Variants in CTNNA2 observed in about 807,000 individuals in gnomAD.
CTNNA2 encodes catenin alpha 2.
In CTNNA2, 42 loss-of-function variants were observed where a neutral mutation model predicts 101.0. The ratio of observed to expected loss-of-function variants is 0.42; its 90% CI spans 0.32 to 0.54. The LOEUF (loss-of-function observed/expected upper bound fraction) is 0.54. Among genes scored for constraint, CTNNA2 ranks in the 20% least tolerant of loss-of-function variants. The pLI is 0.14. For missense variants in CTNNA2, 871 were observed against 1,223.1 expected (o/e 0.71, Z 4.29); for synonymous variants, 450 against 456.4 (o/e 0.99, Z 0.18).
intron 7 of CTNNA2, among the ~76,000 whole-genome samples, chr2:80,316,532 A>G (rs1678140591): frequency 6.6e-6 from 1 of 152,186 alleles, no homozygotes; most frequent in Non-Finnish European, 1.5e-5. Flanking sequence ...TAATAAGACC[A>G]ACACAATTTA....
chr2:79,690,683 A>G (rs533239707), intron 2 of CTNNA2, among the ~76,000 whole-genome samples: 2 of 152,092 alleles, frequency 1.3e-5, no homozygotes, highest in South Asian at 4.1e-4. Context: ...GCCCAGAGAG[A>G]GTAAAGGATT....
At chr2:80,280,399 A>G (rs936372968) in intron 7 of CTNNA2, among the ~76,000 whole-genome samples, 6 of 151,586 alleles carry the variant, frequency 4.0e-5, no homozygotes, top group Non-Finnish European at 7.4e-5. Context: ...GGAGCCTTAG[A>G]TAGGTAATAC....
At chr2:80,571,823 G>T (rs996334407) in intron 12 of CTNNA2, among the ~76,000 whole-genome samples, 1 of 152,082 alleles carries the variant, frequency 6.6e-6, no homozygotes, top group Non-Finnish European at 1.5e-5. Context: ...TAGGGCTGGG[G>T]TAGAGCCTGT....
intron 7 of CTNNA2, among the ~76,000 whole-genome samples, chr2:80,282,980 G>C (rs1365561373): frequency 6.6e-6 from 1 of 152,006 alleles, no homozygotes; most frequent in Admixed American, 6.6e-5. Flanking sequence ...ATAAGCAAAG[G>C]AATGACAAGT....
chr2:80,608,385 G>T, intron 17 of CTNNA2, 67 bp downstream of exon 17: 1 of 1,548,848 alleles, frequency 6.5e-7, no homozygotes, highest in Non-Finnish European at 8.8e-7. Flanking sequence ...AACATTCTTG[G>T]CAACAGTACT....
intron 4 of CTNNA2, among the ~76,000 whole-genome samples, chr2:79,475,055 G>T (rs1488400983): frequency 6.6e-6 from 1 of 152,044 alleles, no homozygotes; most frequent in Middle Eastern, 3.2e-3. Context: ...ATACTACATA[G>T]AACAAAAGTT....
At chr2:79,965,243 T>G (rs1333266861) in intron 7 of CTNNA2, among the ~76,000 whole-genome samples, 6 of 152,168 alleles carry the variant, frequency 3.9e-5, no homozygotes, top group African/African-American at 1.4e-4. Context: ...AAATGCAACC[T>G]TTTTCTGCCA....
chr2:79,623,769 T>C (rs918667030), intron 1 of CTNNA2, among the ~76,000 whole-genome samples: 38 of 152,160 alleles, frequency 2.5e-4, no homozygotes, highest in African/African-American at 8.2e-4. Flanking sequence ...TTTTTCATGA[T>C]TGTAAATGGA....
At chr2:80,142,626 T>G (rs1703083881) in intron 7 of CTNNA2, among the ~76,000 whole-genome samples, 1 of 152,218 alleles carries the variant, frequency 6.6e-6, no homozygotes, top group South Asian at 2.1e-4. Context: ...AGTTCCACAA[T>G]GCATATGAGC....
chr2:79,765,380 A>G (rs569029730), intron 3 of CTNNA2, among the ~76,000 whole-genome samples: 12 of 152,298 alleles, frequency 7.9e-5, no homozygotes, highest in African/African-American at 1.7e-4. Flanking sequence ...CTGACTTCAC[A>G]TATTCCTTTT....
intron 3 of CTNNA2, among the ~76,000 whole-genome samples, chr2:79,779,132 TG>T (rs1403250096): frequency 1.7e-5 from 2 of 119,642 alleles, no homozygotes; most frequent in Non-Finnish European, 3.1e-5. Context: ...ATTCTGTTGT[TG>T]TTTTTTTTTT....
At chr2:79,286,270 G>T (rs921303802) in intron 2 of CTNNA2, among the ~76,000 whole-genome samples, 23 of 152,070 alleles carry the variant, frequency 1.5e-4, no homozygotes, top group Admixed American at 9.2e-4. Flanking sequence ...AGTTAATATT[G>T]TTATGTGTGA....
intron 7 of CTNNA2, among the ~76,000 whole-genome samples, chr2:80,381,641 T>C (rs1676525622): frequency 6.6e-6 from 1 of 152,180 alleles, no homozygotes; most frequent in African/African-American, 2.4e-5. Flanking sequence ...AGAGTGGAGA[T>C]ACCTTTGGGA....
intron 9 of CTNNA2, among the ~76,000 whole-genome samples, chr2:80,433,835 A>T (rs1681772995): frequency 6.6e-6 from 1 of 152,194 alleles, no homozygotes. Context: ...TATAGGTTAT[A>T]TTATTGACCA....
chr2:80,607,272 G>T (rs1297488257), intron 16 of CTNNA2, among the ~76,000 whole-genome samples: 1 of 151,748 alleles, frequency 6.6e-6, no homozygotes, highest in East Asian at 1.9e-4. Flanking sequence ...GTACCAAATT[G>T]ATACAGAACA....
intron 7 of CTNNA2, among the ~76,000 whole-genome samples, chr2:80,278,190 C>G (rs1186008899): frequency 6.6e-6 from 1 of 152,116 alleles, no homozygotes; most frequent in Non-Finnish European, 1.5e-5. Context: ...AGGCAAAGCA[C>G]TTAAGACAGC....
At chr2:79,440,726 T>C (rs867488711) in intron 4 of CTNNA2, among the ~76,000 whole-genome samples, 1 of 152,118 alleles carries the variant, frequency 6.6e-6, no homozygotes. Flanking sequence ...GAAGAGTGAA[T>C]GTGCTCCCCT....
intron 7 of CTNNA2, among the ~76,000 whole-genome samples, chr2:80,361,706 T>G (rs942942639): frequency 2.0e-5 from 3 of 152,126 alleles, no homozygotes; most frequent in African/African-American, 4.8e-5. Context: ...AGGCCTGAAC[T>G]CCATCTGTTG....
At chr2:79,392,677 AT>A (rs1168629848) in intron 4 of CTNNA2, among the ~76,000 whole-genome samples, 1 of 151,976 alleles carries the variant, frequency 6.6e-6, no homozygotes, top group African/African-American at 2.4e-5. Context: ...TTCTCAGGTT[AT>A]TTTTTTGACT....
Sources: gnomAD v4.1 joint callset for allele counts (sites outside exome capture counted in the v4.1 genomes callset) on GRCh38, gnomAD v4.1.1 for gene constraint, MANE v1.5 for transcripts, NCBI Gene and HGNC (gene_info 2026-07-23, HGNC 2026-07-21) for gene names.